Variants in EYS observed in about 807,000 individuals in gnomAD.
The protein encoded by EYS is protein eyes shut homolog.
A neutral mutation model predicts 282.1 loss-of-function variants in EYS; 250 were observed. The observed-to-expected ratio is 0.89, with a 90% confidence interval of 0.80 to 0.98. The LOEUF (loss-of-function observed/expected upper bound fraction) is 0.98. EYS is among the 50% of genes least tolerant of loss of function. The pLI, the probability that EYS is intolerant of heterozygous loss-of-function variation, is 0.00. For synonymous variants in EYS, 1,355 were observed against 1,282.9 expected, an observed-to-expected ratio of 1.06 and a Z score of -1.20; for missense variants, 4,016 against 3,709.0, an observed-to-expected ratio of 1.08 and a Z score of -2.15.
chr6:64,113,543 G>C (rs1467078506), intron 31 of EYS, among the ~76,000 whole-genome samples: 1 of 152,128 alleles, frequency 6.6e-6, no homozygotes, highest in Non-Finnish European at 1.5e-5. Context: ...GAATAAGAAA[G>C]AAGGGAGCAA....
At chr6:64,437,819 A>G (rs1267091248) in intron 27 of EYS, among the ~76,000 whole-genome samples, 1 of 151,158 alleles carries the variant, frequency 6.6e-6, no homozygotes, top group Non-Finnish European at 1.5e-5. Flanking sequence ...ATATTACTTC[A>G]GAAACATGAG....
intron 12 of EYS, among the ~76,000 whole-genome samples, chr6:65,295,534 C>G (rs1768636772): frequency 6.6e-6 from 1 of 151,926 alleles, no homozygotes; most frequent in African/African-American, 2.4e-5. Context: ...AAATGCAGTA[C>G]TAAGCTGTTT....
intron 29 of EYS, among the ~76,000 whole-genome samples, chr6:64,376,102 T>C (rs774892229): frequency 1.3e-5 from 2 of 152,186 alleles, no homozygotes; most frequent in Non-Finnish European, 2.9e-5. Context: ...TCAAAGAGTA[T>C]GTACCATAGT....
chr6:65,683,925 T>C (rs1221924909), intron 1 of EYS, among the ~76,000 whole-genome samples: 2 of 152,072 alleles, frequency 1.3e-5, no homozygotes, highest in Non-Finnish European at 2.9e-5. Context: ...TGTTTTTATT[T>C]CATTTTCTTT....
chr6:64,460,749 T>C (rs577925483), intron 26 of EYS, among the ~76,000 whole-genome samples: 3 of 152,330 alleles, frequency 2.0e-5, no homozygotes, highest in South Asian at 4.1e-4. Flanking sequence ...TTTCTGATAG[T>C]TAAGAGGAGG....
intron 35 of EYS, among the ~76,000 whole-genome samples, chr6:63,893,262 A>G (rs1233038380): frequency 6.6e-6 from 1 of 152,200 alleles, no homozygotes; most frequent in Non-Finnish European, 1.5e-5. Context: ...TTTTACTATA[A>G]AGACACATGC....
chr6:65,377,069 A>G (rs1765396918), intron 8 of EYS, among the ~76,000 whole-genome samples: 1 of 152,218 alleles, frequency 6.6e-6, no homozygotes, highest in African/African-American at 2.4e-5. Context: ...AACAGAATAT[A>G]CATTTTTATC....
intron 35 of EYS, among the ~76,000 whole-genome samples, chr6:63,975,044 A>G (rs1402812041): frequency 6.6e-6 from 1 of 151,900 alleles, no homozygotes; most frequent in Non-Finnish European, 1.5e-5. Context: ...GAAAGAATAA[A>G]TGACCTCACA....
In EYS at chr6:64,577,758, C is replaced by CATT. The variant is rs1377689682; in HGVS notation, c.5644+12462_5644+12464dup. On this transcript the variant is annotated intron_variant, in intron 26 of 42. Transcript: ENST00000503581. ...GCCTCAGGGTTGTAATAAGGAATGT[C>CATT]ATTATACACTTATCAGAGTTTCGCT... 2.0e-5 allele frequency among the ~76,000 whole-genome samples: 3 copies of CATT among 152,042 alleles called. No individual in the cohort carries two copies. In the East Asian group the frequency reaches 5.8e-4, roughly 29 times the overall value.
In EYS at chr6:64,989,394, A is replaced by AATATAT. The variant is rs60684321; in HGVS notation, c.2259+8182_2259+8187dup. 3.4e-4 allele frequency among the ~76,000 whole-genome samples: 24 copies of AATATAT among 69,724 alleles called. 4 individuals carry two copies. Among genetic ancestry groups the AATATAT allele is most frequent in the East Asian group, 2.4e-3 (7 of 2,926 alleles). The allele number at this position is 69,724 out of a possible 152,430, so 45.7% of individuals were successfully genotyped here. On this transcript the variant is annotated intron_variant, in intron 14 of 42. Coordinates refer to ENST00000503581, the MANE Select transcript of EYS (RefSeq NM_001142800.2). ...AAGAGGCTATTTACTGGCTAGCTGTAATATATATATATATATATATATGAA... is the reference window on the plus strand; with the variant it reads ...AAGAGGCTATTTACTGGCTAGCTGTAATATATATATATATATATATATATATATGAA...
chr6:65,184,879 G>A (rs147185276), intron 12 of EYS, among the ~76,000 whole-genome samples: 8 of 151,438 alleles, frequency 5.3e-5, no homozygotes, highest in South Asian at 2.1e-4. Context: ...ATGATAAAAC[G>A]TTTGGATAAA....
intron 22 of EYS, among the ~76,000 whole-genome samples, chr6:64,635,920 C>G (rs1767961559): frequency 6.6e-6 from 1 of 152,066 alleles, no homozygotes; most frequent in Non-Finnish European, 1.5e-5. Context: ...CCTTGTACCT[C>G]TGGTAGAATC....
Position 64,593,488 on chromosome 6 carries a change from T to C in EYS, c.3685-179A>G, listed in dbSNP as rs17290119. Among the ~76,000 whole-genome samples, 15,338 of 152,220 alleles carry C rather than the reference T, an allele frequency of 0.1. 920 individuals carry two copies. The highest frequency in any genetic ancestry group is 0.16 in the East Asian group (849 of 5,164). ...ATTTTACCCATATTTCAAAATGGAC[T>C]CAATCCTTTCAATTTGAGATATGCA... On this transcript the variant is annotated intron_variant, in intron 24 of 42. Transcript: ENST00000503581.
At chr6:64,985,226 A>G (rs1345795711) in intron 14 of EYS, among the ~76,000 whole-genome samples, 1 of 151,552 alleles carries the variant, frequency 6.6e-6, no homozygotes. Context: ...GTCTTAACCT[A>G]TACAAATGTT....
At chr6:64,783,865 T>C (rs1773936818) in intron 22 of EYS, among the ~76,000 whole-genome samples, 1 of 152,182 alleles carries the variant, frequency 6.6e-6, no homozygotes, top group Admixed American at 6.5e-5. Context: ...AACTCTGCTT[T>C]AGGAACCCTA....
chr6:65,459,938 GGTGC>G (rs1361323775), intron 5 of EYS, among the ~76,000 whole-genome samples: 1 of 107,318 alleles, frequency 9.3e-6, no homozygotes, highest in Non-Finnish European at 2.1e-5. Context: ...TACTTTTTCT[GGTGC>G]GTGTGTGTGT....
intron 5 of EYS, among the ~76,000 whole-genome samples, chr6:65,443,388 A>T (rs1349919204): frequency 7.0e-6 from 1 of 143,858 alleles, no homozygotes; most frequent in African/African-American, 2.5e-5. Flanking sequence ...ATAGACATAT[A>T]TGCATACATG....
chr6:65,628,685 C>T lies in EYS; in HGVS notation c.-333+11093G>A, dbSNP rs1015351112. 1.8e-4 allele frequency among the ~76,000 whole-genome samples: 28 copies of T among 152,132 alleles called. 1 individual carries two copies. In the South Asian group the frequency reaches 3.1e-3, roughly 17 times the overall value. ...CTGTAACACTCACCGCGAAGGTCTG[C>T]AGCTTCACTCCTGAGCCAGCAAGAC... On this transcript the variant is annotated intron_variant, in intron 2 of 42. Coordinates refer to ENST00000503581, the MANE Select transcript of EYS (RefSeq NM_001142800.2).
At position 64,436,269 on chromosome 6, in the gene EYS, T is replaced by A. The variant is rs569870900; in HGVS notation, c.5836-4A>T. On this transcript the variant is annotated splice_region_variant and splice_polypyrimidine_tract_variant and intron_variant, in intron 27 of 42. Coordinates refer to ENST00000503581, the MANE Select transcript of EYS (RefSeq NM_001142800.2). ...CACCAGGACAGTAAAAGTGGTACTG[T>A]TGGGGGAAAAAATTTTGTCCTCAAA... 1.1e-5 allele frequency: 17 copies of A among 1,525,312 alleles called. No individual in the cohort carries two copies. The highest frequency in any genetic ancestry group is 1.5e-5 in the Non-Finnish European group (17 of 1,129,430). The allele number at this position is 1,525,312 out of a possible 1,614,324, so 94.5% of individuals were successfully genotyped here.
Sources: gnomAD v4.1 joint callset for allele counts (sites outside exome capture counted in the v4.1 genomes callset) on GRCh38, gnomAD v4.1.1 for gene constraint, MANE v1.5 for transcripts, NCBI Gene and HGNC (gene_info 2026-07-23, HGNC 2026-07-21) for gene names.